The following TNC variants were observed in gnomAD, a reference collection of about 807,000 sequenced individuals.
The protein encoded by TNC is tenascin.
A neutral mutation model predicts 202.4 loss-of-function variants in TNC; 109 were observed. The ratio of observed to expected loss-of-function variants is 0.54; its 90% CI spans 0.46 to 0.63. The LOEUF (loss-of-function observed/expected upper bound fraction) is 0.63, where lower values mean the gene tolerates loss of function less well. TNC is among the 30% of genes least tolerant of loss of function. The pLI is 0.00. For synonymous variants in TNC, 1,007 were observed against 1,089.7 expected (o/e 0.92, Z 1.50); for missense variants, 2,756 against 2,833.3 (o/e 0.97, Z 0.62).
intron 1 of TNC, among the ~76,000 whole-genome samples, chr9:115,094,537 T>C (rs1835469778): frequency 6.6e-6 from 1 of 152,186 alleles, no homozygotes; most frequent in Non-Finnish European, 1.5e-5. Flanking sequence ...AGGTCAGACA[T>C]GAAGAATCAT....
At chr9:115,046,120 C>T (rs1366159997) in intron 17 of TNC, among the ~76,000 whole-genome samples, 1 of 152,036 alleles carries the variant, frequency 6.6e-6, no homozygotes, top group Non-Finnish European at 1.5e-5. Context: ...TTAATGGCAA[C>T]GTGAATAGCT....
intron 23 of TNC, 26 bp downstream of exon 23, chr9:115,031,527 C>A (rs1829946032): frequency 6.6e-7 from 1 of 1,508,428 alleles, no homozygotes; most frequent in Non-Finnish European, 8.9e-7. Context: ...GATCTCAAGG[C>A]TGGATGGCAC....
Position 115,086,113 on chromosome 9 carries a change from C to A in TNC, c.1618G>T (p.Gly540Cys). Residue 540 changes from glycine (G) to cysteine (C), a missense_variant, in exon 3 of 28, where the codon GGT (glycine) becomes TGT (cysteine). By Grantham distance (159) the Gly-to-Cys change is radical (BLOSUM62 -3). Transcript: ENST00000350763. Reference sequence around the variant, plus strand: ...ACGCACTGCCCATTCACACAGCGACCCTGGCCATGGCAGTCATTTGGACAG... The same window carrying A: ...ACGCACTGCCCATTCACACAGCGACACTGGCCATGGCAGTCATTTGGACAG... ...LSCPNDCHGQ[G>C]RCVNGQCVCH... is the part of the protein sequence containing the mutation. The A allele has an allele frequency of 6.2e-7, 1 of 1,613,774 alleles. No homozygotes were observed. Among genetic ancestry groups the A allele is most frequent in the Non-Finnish European group, 8.5e-7 (1 of 1,179,748 alleles).
intron 3 of TNC, among the ~76,000 whole-genome samples, chr9:115,084,867 T>A (rs1834588437): frequency 6.6e-6 from 1 of 152,180 alleles, no homozygotes; most frequent in African/African-American, 2.4e-5. Flanking sequence ...TGGTCCAACT[T>A]TCTTATATTA....
chr9:115,041,302 GGA>G (rs1564425442), intron 18 of TNC, among the ~76,000 whole-genome samples: 95 of 54,838 alleles, frequency 1.7e-3, no homozygotes, highest in African/African-American at 6.3e-3. Context: ...AACAAAGCCA[GGA>G]GGGGCGGGGG....
chr9:115,102,787 T>G (rs1836332834), intron 1 of TNC, among the ~76,000 whole-genome samples: 2 of 152,252 alleles, frequency 1.3e-5, no homozygotes, highest in African/African-American at 4.8e-5. Flanking sequence ...CAGGGATATA[T>G]CTGAGACATT....
At chr9:115,098,538 A>G (rs1835967328) in intron 1 of TNC, among the ~76,000 whole-genome samples, 1 of 152,216 alleles carries the variant, frequency 6.6e-6, no homozygotes, top group African/African-American at 2.4e-5. Flanking sequence ...ATTTTTAGAT[A>G]AAGATGAAAC....
chr9:115,107,011 A>T, intron 1 of TNC, among the ~76,000 whole-genome samples: 1 of 152,148 alleles, frequency 6.6e-6, no homozygotes, highest in East Asian at 1.9e-4. Flanking sequence ...ACTTTTAATC[A>T]TTATTCTGAA....
At chr9:115,026,388 G>T in intron 26 of TNC, 146 bp downstream of exon 26, 1 of 831,036 alleles carries the variant, frequency 1.2e-6, no homozygotes, top group Admixed American at 2.8e-5. Flanking sequence ...AGTTTTTCTG[G>T]ATTGGCACTC....
chr9:115,070,291 G>A (rs1298429166), intron 10 of TNC, among the ~76,000 whole-genome samples: 1 of 152,214 alleles, frequency 6.6e-6, no homozygotes, highest in Non-Finnish European at 1.5e-5. Flanking sequence ...TGAGTGAAAT[G>A]AGGGAGCACG....
rs867695219 is a variant in TNC at position 115,076,552 on chromosome 9, G to A, written c.2698C>T (p.Arg900Ter). The change falls in exon 8 of 28, where the codon CGA (arginine) becomes TGA (stop). Residue 900 changes from arginine to a stop codon, truncating the protein, a stop_gained. Transcript: ENST00000350763. LOFTEE classifies it high-confidence loss of function. Reference sequence around the variant, plus strand: ...CTGTTATCTGTCTGGGAAACACGTCGAAGATTCCTGGGAGCATCGAGGCCT... The same window carrying A: ...CTGTTATCTGTCTGGGAAACACGTCAAAGATTCCTGGGAGCATCGAGGCCT... The part of the protein sequence containing the change: ...TTGLDAPRNL[R>*]RVSQTDNSIT... The A allele has an allele frequency of 1.2e-6, 2 of 1,614,168 alleles. No individual in the cohort carries two copies. The highest frequency in any genetic ancestry group is 1.1e-5 in the South Asian group (1 of 91,078).
chr9:115,037,244 A>G (rs1360285816), intron 20 of TNC, among the ~76,000 whole-genome samples: 3 of 152,200 alleles, frequency 2.0e-5, no homozygotes, highest in Admixed American at 2.0e-4. Flanking sequence ...GTGCCTGCTC[A>G]TATTGTCACT....
chr9:115,024,090 G>C lies in TNC; in HGVS notation c.6378C>G (p.Asp2126Glu), dbSNP rs188229749. 6.2e-7 allele frequency: 1 copy of C among 1,614,130 alleles called. No homozygotes were observed. The highest frequency in any genetic ancestry group is 2.2e-5 in the East Asian group (1 of 44,890). ...TGGTGATGGCTGAATCTGTGTCCTTGTCAAAGGTGGAGAAGGATCTGCCAT... is the reference window on the plus strand; with the variant it reads ...TGGTGATGGCTGAATCTGTGTCCTTCTCAAAGGTGGAGAAGGATCTGCCAT... ...YHNGRSFSTF[D>E]KDTDSAITNC... The change falls in exon 27 of 28, where the codon GAC becomes GAG. Residue 2126 changes from aspartate (D) to glutamate (E), a missense_variant. This residue lies in a region of TNC where 197 missense variants were observed against 287.3 expected (regional missense o/e 0.69). Transcript: ENST00000350763.
chr9:115,065,527 C>T (rs920457789), intron 10 of TNC, among the ~76,000 whole-genome samples: 1 of 152,174 alleles, frequency 6.6e-6, no homozygotes, highest in East Asian at 1.9e-4. Context: ...ATGCTCTGAG[C>T]TTCAGTTTTC....
chr9:115,024,431 G>A (rs1410244748), intron 26 of TNC, among the ~76,000 whole-genome samples: 3 of 152,270 alleles, frequency 2.0e-5, no homozygotes, highest in South Asian at 4.1e-4. Flanking sequence ...CACAAGTCAA[G>A]CATCTTGTTG....
At chr9:115,038,159 TATC>T in intron 20 of TNC, 99 bp downstream of exon 20, 3 of 1,467,388 alleles carry the variant, frequency 2.0e-6, no homozygotes, top group South Asian at 1.5e-5. Flanking sequence ...CATGCATTTT[TATC>T]ATCCTGTACC....
intron 6 of TNC, among the ~76,000 whole-genome samples, chr9:115,079,273 TAAC>T (rs1486934006): frequency 6.6e-6 from 1 of 151,768 alleles, no homozygotes; most frequent in Non-Finnish European, 1.5e-5. Context: ...CAGTAAACAA[TAAC>T]AAGTGACAGG....
chr9:115,113,317 G>A (rs1269833404), intron 1 of TNC, among the ~76,000 whole-genome samples: 1 of 152,144 alleles, frequency 6.6e-6, no homozygotes, highest in African/African-American at 2.4e-5. Context: ...ACTCCACCAA[G>A]TACTTTCTGC....
At chr9:115,109,982 AT>A (rs1228616452) in intron 1 of TNC, among the ~76,000 whole-genome samples, 1 of 152,108 alleles carries the variant, frequency 6.6e-6, no homozygotes, top group Non-Finnish European at 1.5e-5. Flanking sequence ...ACCAGATACA[AT>A]TTTTTCTTTT....
Sources: allele counts gnomAD v4.1 joint callset (sites outside exome capture counted in the v4.1 genomes callset), GRCh38; gene constraint gnomAD v4.1.1; regional missense constraint gnomAD v4.1.1; transcripts MANE v1.5; gene names NCBI Gene and HGNC (gene_info 2026-07-23, HGNC 2026-07-21).